The following ARID1B variants were observed in gnomAD, a reference collection of about 807,000 sequenced individuals.
ARID1B encodes the protein AT-rich interaction domain 1B, also known as AT-rich interactive domain-containing protein 1B.
Under a neutral mutation model 212.3 loss-of-function variants are expected in ARID1B, and 30 were observed. That is an observed-to-expected ratio of 0.14 (90% CI 0.11 to 0.19). The LOEUF is 0.19. Ranked by LOEUF, ARID1B falls within the 10% of genes least tolerant of loss-of-function variation. The pLI, the probability that ARID1B is intolerant of heterozygous loss-of-function variation, is 1.00. For synonymous variants in ARID1B, 1,402 were observed against 1,301.7 expected (o/e 1.08, Z -1.66); for missense variants, 2,891 against 3,204.0 (o/e 0.90, Z 2.36).
rs892045111 is a variant in ARID1B at position 156,829,624 on chromosome 6, A to G, written c.1986+203A>G. 3 of 568,736 alleles carry G rather than the reference A, an allele frequency of 5.3e-6. No homozygotes were observed. The African/African-American group carries it at 5.6e-5, about 11-fold the overall frequency. 35.2% of individuals were successfully genotyped at this position (568,736 alleles called of 1,614,324 possible). ...GTGAGCTTCTTAAAGTGGACAGAAT[A>G]CCTGTTTGGTAGAAGGGCAGCAGGA... On this transcript the variant is annotated intron_variant, in intron 2 of 19. Transcript: ENST00000636930.
chr6:156,820,061 T>C (rs2128011263), intron 1 of ARID1B, among the ~76,000 whole-genome samples: 1 of 152,222 alleles, frequency 6.6e-6, no homozygotes, highest in Middle Eastern at 3.4e-3. Flanking sequence ...GGTGTCTTTC[T>C]CTGAGGTCAG....
At chr6:156,919,729 G>A (rs897888333) in intron 3 of ARID1B, among the ~76,000 whole-genome samples, 1 of 152,228 alleles carries the variant, frequency 6.6e-6, no homozygotes, top group Admixed American at 6.5e-5. Flanking sequence ...CTGCTCAGGA[G>A]GCTGAGGCAG....
intron 4 of ARID1B, among the ~76,000 whole-genome samples, chr6:157,027,404 G>A (rs1001307900): frequency 1.3e-5 from 2 of 152,054 alleles, no homozygotes; most frequent in African/African-American, 4.8e-5. Flanking sequence ...AATGTCTTTG[G>A]TCGTAACCAC....
At chr6:157,057,064 G>T (rs940551452) in intron 4 of ARID1B, among the ~76,000 whole-genome samples, 2 of 151,098 alleles carry the variant, frequency 1.3e-5, no homozygotes, top group African/African-American at 2.4e-5. Flanking sequence ...GTGCAGTGGC[G>T]TGGCTCACTG....
At chr6:156,929,444 C>G (rs114223121) in intron 3 of ARID1B, among the ~76,000 whole-genome samples, 103 of 152,204 alleles carry the variant, frequency 6.8e-4, no homozygotes, top group Middle Eastern at 3.4e-3. Context: ...TGGAAGTGGT[C>G]GCAGCCACCT....
intron 2 of ARID1B, among the ~76,000 whole-genome samples, chr6:156,836,891 C>G (rs1240432641): frequency 6.6e-6 from 1 of 151,174 alleles, no homozygotes; most frequent in Non-Finnish European, 1.5e-5. Context: ...TTTTGAACTT[C>G]AGGACTCAAG....
chr6:156,928,328 GTGA>G (rs1383512282), intron 3 of ARID1B, among the ~76,000 whole-genome samples: 1 of 152,206 alleles, frequency 6.6e-6, no homozygotes, highest in Non-Finnish European at 1.5e-5. Context: ...GATGGACTGG[GTGA>G]TGATTTGGGC....
intron 6 of ARID1B, among the ~76,000 whole-genome samples, chr6:157,128,886 AG>A (rs1440667559): frequency 3.3e-5 from 5 of 152,232 alleles, no homozygotes; most frequent in Non-Finnish European, 5.9e-5. Context: ...GCCTTTGGCC[AG>A]GGGAACTCTG....
At chr6:156,811,704 T>C (rs1473285871) in intron 1 of ARID1B, among the ~76,000 whole-genome samples, 1 of 152,230 alleles carries the variant, frequency 6.6e-6, no homozygotes, top group African/African-American at 2.4e-5. Flanking sequence ...TTAGAACCCA[T>C]GCTCATGGCC....
chr6:156,871,853 C>T lies in ARID1B; in HGVS notation c.1987-29523C>T, dbSNP rs568596838. ...TTCCAGGGCCTCCTGGGACTGGGCT[C>T]ATTGTAAGTTACAAGAGCATTCACT... On this transcript the variant is annotated intron_variant, in intron 2 of 19. Transcript: ENST00000636930. 1.2e-4 allele frequency among the ~76,000 whole-genome samples: 19 copies of T among 152,282 alleles called. No individual in the cohort carries two copies. The South Asian group carries it at 3.7e-3, about 30-fold the overall frequency.
At chr6:157,032,176 C>G (rs1272930115) in intron 4 of ARID1B, among the ~76,000 whole-genome samples, 1 of 152,194 alleles carries the variant, frequency 6.6e-6, no homozygotes, top group Non-Finnish European at 1.5e-5. Context: ...TTGGGGAAAA[C>G]AAATGGATAC....
chr6:156,954,644 A>G (rs1379648473), intron 4 of ARID1B, among the ~76,000 whole-genome samples: 3 of 152,110 alleles, frequency 2.0e-5, no homozygotes, highest in Admixed American at 6.5e-5. Context: ...TTTTCCTTAC[A>G]TTAGCTCGAA....
rs1779176911 is a variant in ARID1B, at chr6:156,780,459, C to CT, written c.1791+989dup. Reference sequence around the variant, plus strand: ...GGCTGAGCCTAAAGACTGACTTGATCTCCTTTGCAAGGTTTGGAATTTGAA... The same window carrying CT: ...GGCTGAGCCTAAAGACTGACTTGATCTTCCTTTGCAAGGTTTGGAATTTGAA... On this transcript the variant is annotated intron_variant, in intron 1 of 19. Coordinates refer to ENST00000636930, the MANE Select transcript of ARID1B (RefSeq NM_001374828.1). 2.0e-5 allele frequency: 3 copies of CT among 152,384 alleles called. No individual in the cohort carries two copies. The South Asian group carries it at 6.2e-4, about 32-fold the overall frequency. 9.4% of individuals were successfully genotyped at this position (152,384 alleles called of 1,614,324 possible).
At chr6:157,036,690 T>A (rs1321837246) in intron 4 of ARID1B, 3 of 373,148 alleles carry the variant, frequency 8.0e-6, no homozygotes, top group African/African-American at 6.3e-5. Context: ...TACTCACAGA[T>A]CTCTCTTTCT....
At position 156,779,477 on chromosome 6, in the gene ARID1B, C is replaced by A; in HGVS notation, c.1791+6C>A. 7.3e-7 allele frequency: 1 copy of A among 1,378,448 alleles called. No homozygotes were observed. Among genetic ancestry groups the A allele is most frequent in the Non-Finnish European group, 9.4e-7 (1 of 1,061,300 alleles). The allele number at this position is 1,378,448 out of a possible 1,614,324, so 85.4% of individuals were successfully genotyped here. ...CGACCATGGGCAGATCCCAGGTAAC[C>A]CTCGCGCCAGCCGGGCCTGCTTCCG... On this transcript the variant is annotated splice_donor_region_variant and intron_variant, in intron 1 of 19. Transcript: ENST00000636930.
chr6:157,209,128 T>TAAA lies in ARID1B; in HGVS notation c.*1249_*1251dup. On this transcript the variant is annotated 3_prime_UTR_variant, in exon 20 of 20. Coordinates refer to ENST00000636930, the MANE Select transcript of ARID1B (RefSeq NM_001374828.1). ...ATTTGTATTTCAAGATAATGTAGTT[T>TAAA]AAAAAAAAAAAAAAGAAAAAAACTT... 1 of 207,160 alleles carries TAAA rather than the reference T, an allele frequency of 4.8e-6. No homozygotes were observed. Among genetic ancestry groups the TAAA allele is most frequent in the Non-Finnish European group, 9.5e-6 (1 of 104,796 alleles). 12.8% of individuals were successfully genotyped at this position (207,160 alleles called of 1,614,324 possible). A position where few individuals can be genotyped will look rare whatever the true frequency, so the allele number is the denominator to read the frequency against.
intron 2 of ARID1B, among the ~76,000 whole-genome samples, chr6:156,844,031 G>A (rs916763937): frequency 1.3e-5 from 2 of 152,168 alleles, no homozygotes; most frequent in African/African-American, 2.4e-5. Context: ...AGTAGGTAGA[G>A]TGTGCTTTTC....
intron 9 of ARID1B, 157 bp from the exon 10 acceptor site, chr6:157,173,851 A>G (rs1454192529): frequency 1.6e-6 from 1 of 606,368 alleles, no homozygotes; most frequent in Non-Finnish European, 2.8e-6. Context: ...TTTGCATTTC[A>G]GAAATTAATA....
intron 4 of ARID1B, among the ~76,000 whole-genome samples, chr6:156,993,917 T>A (rs1490347576): frequency 6.6e-6 from 1 of 152,224 alleles, no homozygotes; most frequent in Non-Finnish European, 1.5e-5. Flanking sequence ...GCTGAATAGG[T>A]AATATAAATA....
Sources: gnomAD v4.1 joint callset for allele counts (sites outside exome capture counted in the v4.1 genomes callset) on GRCh38, gnomAD v4.1.1 for gene constraint, MANE v1.5 for transcripts, NCBI Gene and HGNC (gene_info 2026-07-23, HGNC 2026-07-21) for gene names.